Variants in FAM117B observed in about 807,000 individuals in gnomAD.
FAM117B encodes the protein family with sequence similarity 117 member B, also known as protein FAM117B.
FAM117B carries 22 observed loss-of-function variants against 52.8 expected under a neutral mutation model. That is an observed-to-expected ratio of 0.42 (90% confidence interval 0.30 to 0.59). The LOEUF (loss-of-function observed/expected upper bound fraction) is 0.59. FAM117B is among the 20% of genes least tolerant of loss of function. The pLI, the probability that FAM117B is intolerant of heterozygous loss-of-function variation, is 0.22. For synonymous variants in FAM117B, 309 were observed against 324.1 expected (o/e 0.95, Z 0.50); for missense variants, 678 against 802.6 (o/e 0.84, Z 1.88).
rs1365389295 is a variant in FAM117B, at chr2:202,668,354, T to C, written c.602-27527T>C. On this transcript the variant is annotated intron_variant, in intron 1 of 7. Coordinates refer to ENST00000392238, the MANE Select transcript of FAM117B (RefSeq NM_173511.4). ...TGAGGTGGGAGGATGGCTTGAGCCCTGGAGTTAGAAGGTACAGTGAACTCT... is the reference window on the plus strand; with the variant it reads ...TGAGGTGGGAGGATGGCTTGAGCCCCGGAGTTAGAAGGTACAGTGAACTCT... 2.0e-5 allele frequency among the ~76,000 whole-genome samples: 3 copies of C among 148,106 alleles called. No individual in the cohort carries two copies. The East Asian group carries it at 5.9e-4, about 29-fold the overall frequency.
chr2:202,751,477 A>T (rs1199868527), intron 4 of FAM117B, among the ~76,000 whole-genome samples: 1 of 152,194 alleles, frequency 6.6e-6, no homozygotes, highest in Admixed American at 6.5e-5. Context: ...CCTCAAAAAA[A>T]TAGTTTTGAG....
intron 4 of FAM117B, among the ~76,000 whole-genome samples, chr2:202,735,792 T>C (rs992026431): frequency 6.6e-6 from 1 of 152,224 alleles, no homozygotes; most frequent in African/African-American, 2.4e-5. Flanking sequence ...AGTTATGTTT[T>C]TTTTATTATA....
At chr2:202,639,740 G>A (rs1689738088) in intron 1 of FAM117B, among the ~76,000 whole-genome samples, 1 of 152,082 alleles carries the variant, frequency 6.6e-6, no homozygotes, top group African/African-American at 2.4e-5. Flanking sequence ...GATTAAATAA[G>A]GGAAAACTGA....
chr2:202,657,317 A>T (rs1195631030), intron 1 of FAM117B, among the ~76,000 whole-genome samples: 1 of 152,034 alleles, frequency 6.6e-6, no homozygotes, highest in Non-Finnish European at 1.5e-5. Context: ...CCAACTCCTG[A>T]CCTCAGGTGA....
At chr2:202,720,080 A>G (rs925063603) in intron 2 of FAM117B, among the ~76,000 whole-genome samples, 2 of 152,144 alleles carry the variant, frequency 1.3e-5, no homozygotes, top group South Asian at 2.1e-4. Context: ...GAGATTGTAA[A>G]TATTCTGTTC....
At position 202,766,371 on chromosome 2, in the gene FAM117B, T is replaced by G. The variant is rs1574309861; in HGVS notation, c.*607T>G. ...TCTTAATCTCATGACTATGTTCTTC[T>G]CCCAAACAAGGATTGATAGGTAAAT... is the stretch of plus-strand genomic sequence containing the variant. On this transcript the variant is annotated 3_prime_UTR_variant, in exon 8 of 8. Coordinates refer to ENST00000392238, the MANE Select transcript of FAM117B (RefSeq NM_173511.4). 6.6e-6 allele frequency: 1 copy of G among 152,660 alleles called. No homozygotes were observed. Among genetic ancestry groups the G allele is most frequent in the East Asian group, 1.9e-4 (1 of 5,198 alleles). The allele number at this position is 152,660 out of a possible 1,614,324, so 9.5% of individuals were successfully genotyped here. A position where few individuals can be genotyped will look rare whatever the true frequency, so the allele number is the denominator to read the frequency against.
intron 4 of FAM117B, among the ~76,000 whole-genome samples, chr2:202,746,138 A>T (rs1357961195): frequency 5.3e-5 from 8 of 152,232 alleles, no homozygotes; most frequent in Admixed American, 4.6e-4. Flanking sequence ...CAATAGCTAC[A>T]GAATACACAT....
intron 2 of FAM117B, among the ~76,000 whole-genome samples, chr2:202,716,990 A>G (rs1305827021): frequency 6.6e-6 from 1 of 152,150 alleles, no homozygotes; most frequent in Non-Finnish European, 1.5e-5. Flanking sequence ...TAAAGGTCAC[A>G]TATCTGTTTC....
At chr2:202,699,225 G>C (rs1300959616) in intron 2 of FAM117B, among the ~76,000 whole-genome samples, 9 of 151,674 alleles carry the variant, frequency 5.9e-5, no homozygotes, top group Non-Finnish European at 1.3e-4. Context: ...TCAGGAGTTC[G>C]AGACCAGCCT....
At chr2:202,705,725 A>G (rs1340078225) in intron 2 of FAM117B, among the ~76,000 whole-genome samples, 1 of 152,194 alleles carries the variant, frequency 6.6e-6, no homozygotes, top group African/African-American at 2.4e-5. Context: ...AAAACGTTAG[A>G]CTAATTTATA....
rs1689654886 is a variant in FAM117B at position 202,635,144 on chromosome 2, A to C, written c.-44A>C. 8.0e-7 allele frequency: 1 copy of C among 1,252,324 alleles called. No homozygotes were observed. The highest frequency in any genetic ancestry group is 1.0e-6 in the Non-Finnish European group (1 of 998,222). The allele number at this position is 1,252,324 out of a possible 1,614,324, so 77.6% of individuals were successfully genotyped here. ...ATCCTCCCCCTGCAGCCCAACAACAACAAAACCCCCCGTCTCGCCCAGTCA... is the reference window on the plus strand; with the variant it reads ...ATCCTCCCCCTGCAGCCCAACAACACCAAAACCCCCCGTCTCGCCCAGTCA... On this transcript the variant is annotated 5_prime_UTR_variant, in exon 1 of 8. Coordinates refer to ENST00000392238, the MANE Select transcript of FAM117B (RefSeq NM_173511.4).
chr2:202,646,050 G>A (rs1204207158), intron 1 of FAM117B, among the ~76,000 whole-genome samples: 3 of 145,964 alleles, frequency 2.1e-5, no homozygotes, highest in Non-Finnish European at 3.0e-5. Flanking sequence ...TTTTTGAGAT[G>A]GAGTCTTGCT....
At position 202,768,131 on chromosome 2, in the gene FAM117B, C is replaced by G. The variant is rs894138100; in HGVS notation, c.*2367C>G. 8.5e-5 allele frequency: 13 copies of G among 152,172 alleles called. No homozygotes were observed. The highest frequency in any genetic ancestry group is 1.5e-5 in the Non-Finnish European group (1 of 68,030). 9.4% of individuals were successfully genotyped at this position (152,172 alleles called of 1,614,324 possible). A position where few individuals can be genotyped will look rare whatever the true frequency, so the allele number is the denominator to read the frequency against. The stretch of plus-strand genomic sequence containing the variant: ...TTGGATGACTTGAATTCTGTTAAAT[C>G]TGTGTTCTTGGCCTTGCACTTCCGT... On this transcript the variant is annotated 3_prime_UTR_variant, in exon 8 of 8. Coordinates refer to ENST00000392238, the MANE Select transcript of FAM117B (RefSeq NM_173511.4).
intron 1 of FAM117B, among the ~76,000 whole-genome samples, chr2:202,683,695 C>G (rs1043774567): frequency 6.6e-6 from 1 of 152,130 alleles, no homozygotes; most frequent in Non-Finnish European, 1.5e-5. Context: ...AAACTCCAGA[C>G]CAGATGGCAT....
intron 4 of FAM117B, among the ~76,000 whole-genome samples, chr2:202,740,093 C>A (rs1337283538): frequency 4.3e-5 from 6 of 138,730 alleles, no homozygotes; most frequent in Non-Finnish European, 7.5e-5. Context: ...GAATGGCGTG[C>A]ACCCAGGAGG....
chr2:202,691,676 TGTGTGTGTGTGTGTGTGTGTGTGC>T (rs1690628550), intron 1 of FAM117B, among the ~76,000 whole-genome samples: 1 of 150,220 alleles, frequency 6.7e-6, no homozygotes, highest in African/African-American at 2.5e-5. Flanking sequence ...TGTGTGTGTG[TGTGTGTGTGTGTGTGTGTGTGTGC>T]GCGCGCGCCT....
chr2:202,741,045 CTTACCATCCCTACTTCTGT>C (rs1691526202), intron 4 of FAM117B, among the ~76,000 whole-genome samples: 1 of 152,118 alleles, frequency 6.6e-6, no homozygotes, highest in Non-Finnish European at 1.5e-5. Context: ...GGCAAGGATT[CTTACCATCCCTACTTCTGT>C]TTACATTGTA....
intron 1 of FAM117B, among the ~76,000 whole-genome samples, chr2:202,654,588 G>A (rs911249670): frequency 2.8e-4 from 42 of 151,052 alleles, no homozygotes; most frequent in Admixed American, 2.6e-3. Context: ...CTTCTGTATC[G>A]ATTAATAGTA....
At chr2:202,639,045 A>G (rs1689727963) in intron 1 of FAM117B, among the ~76,000 whole-genome samples, 1 of 152,238 alleles carries the variant, frequency 6.6e-6, no homozygotes, top group South Asian at 2.1e-4. Context: ...TGTAAACGTC[A>G]GAGTCCCTTT....
Sources: allele counts gnomAD v4.1 joint callset (sites outside exome capture counted in the v4.1 genomes callset), GRCh38; gene constraint gnomAD v4.1.1; transcripts MANE v1.5; gene names NCBI Gene and HGNC (gene_info 2026-07-23, HGNC 2026-07-21).